Variants in ARID1B observed in about 807,000 individuals in gnomAD.
ARID1B encodes the protein AT-rich interaction domain 1B.
A neutral mutation model predicts 212.3 loss-of-function variants in ARID1B; 30 were observed. The ratio of observed to expected loss-of-function variants is 0.14; its 90% CI spans 0.11 to 0.19. The LOEUF (loss-of-function observed/expected upper bound fraction) is 0.19. Ranked by LOEUF, ARID1B falls within the 10% of genes least tolerant of loss-of-function variation. The pLI is 1.00. For missense variants in ARID1B, 2,891 were observed against 3,204.0 expected (o/e 0.90, Z 2.36); for synonymous variants, 1,402 against 1,301.7 (o/e 1.08, Z -1.66).
At chr6:157,129,787 A>C (rs1788409445) in intron 6 of ARID1B, among the ~76,000 whole-genome samples, 1 of 152,242 alleles carries the variant, frequency 6.6e-6, no homozygotes, top group South Asian at 2.1e-4. Context: ...TAGAAAAAGA[A>C]ATACCTTGCC....
In ARID1B at chr6:157,207,144, G is replaced by A. The variant is rs755185300; in HGVS notation, c.6372G>A (p.Glu2124=). The A allele has an allele frequency of 2.0e-5, 33 of 1,614,108 alleles. No individual in the cohort carries two copies. In the East Asian group the frequency reaches 5.1e-4, roughly 25 times the overall value. The part of the protein sequence containing the change: ...APQTYEKEED[E]DKGVACSKDE... The stretch of plus-strand genomic sequence containing the variant: ...AGACCTATGAGAAAGAGGAGGATGA[G>A]GACAAGGGGGTGGCCTGCAGCAAAG... The change falls in exon 20 of 20, where the codon GAG becomes GAA. Residue 2124 remains glutamate (E), a synonymous_variant. Coordinates refer to ENST00000636930, the MANE Select transcript of ARID1B (RefSeq NM_001374828.1). The surrounding 1 kb of genome is among the most constrained non-coding windows in gnomAD (Gnocchi z 8.5).
chr6:157,151,154 C>T (rs1790170519), intron 8 of ARID1B: 1 of 152,414 alleles, frequency 6.6e-6, no homozygotes, highest in Non-Finnish European at 1.5e-5. Context: ...GAAATAGAAA[C>T]TTTGATCTGT....
intron 4 of ARID1B, among the ~76,000 whole-genome samples, chr6:156,987,918 A>G (rs1011250752): frequency 6.6e-6 from 1 of 152,232 alleles, no homozygotes; most frequent in African/African-American, 2.4e-5. Flanking sequence ...TTGAATATAC[A>G]TATGAAATAC....
At chr6:156,851,660 T>G (rs575381607) in intron 2 of ARID1B, among the ~76,000 whole-genome samples, 4 of 152,376 alleles carry the variant, frequency 2.6e-5, no homozygotes, top group African/African-American at 9.6e-5. Context: ...GTGCACAGAT[T>G]GTTAAAATTA....
chr6:157,095,707 G>GA (rs1476397869), intron 5 of ARID1B, among the ~76,000 whole-genome samples: 2 of 152,176 alleles, frequency 1.3e-5, no homozygotes, highest in Non-Finnish European at 2.9e-5. Context: ...TAATGTCACA[G>GA]AAAAAATTCT....
intron 2 of ARID1B, among the ~76,000 whole-genome samples, chr6:156,863,667 A>C (rs1785489945): frequency 6.6e-6 from 1 of 152,150 alleles, no homozygotes; most frequent in Admixed American, 6.5e-5. Flanking sequence ...GAAGAAATTA[A>C]AATGCTGACT....
intron 4 of ARID1B, among the ~76,000 whole-genome samples, chr6:157,021,123 G>A (rs928809750): frequency 1.3e-5 from 2 of 152,122 alleles, no homozygotes; most frequent in Non-Finnish European, 2.9e-5. Context: ...TGAGAGAGGG[G>A]GATTTTAGAG....
chr6:157,101,975 C>T (rs747683800), intron 5 of ARID1B, among the ~76,000 whole-genome samples: 6 of 152,114 alleles, frequency 3.9e-5, no homozygotes, highest in Non-Finnish European at 8.8e-5. Flanking sequence ...TCTATGGCCA[C>T]TACAACTTTT....
chr6:156,988,306 G>A (rs753694990), intron 4 of ARID1B, among the ~76,000 whole-genome samples: 43 of 152,176 alleles, frequency 2.8e-4, no homozygotes, highest in African/African-American at 1.0e-3. Flanking sequence ...TTTGTGTGGT[G>A]TTTCAAAGGA....
At chr6:156,923,571 G>C (rs1790973801) in intron 3 of ARID1B, among the ~76,000 whole-genome samples, 1 of 152,154 alleles carries the variant, frequency 6.6e-6, no homozygotes, top group Non-Finnish European at 1.5e-5. Context: ...GAAATCAAGA[G>C]TTTATTGTAT....
chr6:157,144,836 T>A (rs932494058), intron 7 of ARID1B, among the ~76,000 whole-genome samples: 1 of 152,238 alleles, frequency 6.6e-6, no homozygotes, highest in Non-Finnish European at 1.5e-5. Flanking sequence ...AAGAAATTTT[T>A]GTAAAGAACT....
At chr6:157,063,259 G>C (rs1193459933) in intron 4 of ARID1B, among the ~76,000 whole-genome samples, 1 of 152,056 alleles carries the variant, frequency 6.6e-6, no homozygotes, top group East Asian at 1.9e-4. Flanking sequence ...AAGGGAAGAA[G>C]GGGTGGCAGC....
intron 15 of ARID1B, chr6:157,193,613 G>A (rs1260960225): frequency 6.6e-6 from 1 of 152,184 alleles, no homozygotes; most frequent in African/African-American, 2.4e-5. Context: ...AGGCTCTACT[G>A]GGACCTCAAC....
chr6:157,023,971 A>G (rs1780488764), intron 4 of ARID1B: 2 of 152,340 alleles, frequency 1.3e-5, no homozygotes, highest in Non-Finnish European at 1.5e-5. Flanking sequence ...ACTTTCACCA[A>G]TTTACCCATT....
At chr6:157,064,313 A>G (rs755173306) in intron 4 of ARID1B, among the ~76,000 whole-genome samples, 3 of 152,206 alleles carry the variant, frequency 2.0e-5, no homozygotes, top group Non-Finnish European at 4.4e-5. Context: ...GTATCTGCTG[A>G]ACAGGAATAC....
At chr6:156,913,187 G>C (rs1269118014) in intron 3 of ARID1B, among the ~76,000 whole-genome samples, 1 of 148,762 alleles carries the variant, frequency 6.7e-6, no homozygotes, top group African/African-American at 2.5e-5. Context: ...TGGTAGGAAC[G>C]CTTTACATCC....
chr6:157,206,125 T>G lies in ARID1B; in HGVS notation c.5395-42T>G. On this transcript the variant is annotated intron_variant, in intron 19 of 19. Coordinates refer to ENST00000636930, the MANE Select transcript of ARID1B (RefSeq NM_001374828.1). The surrounding 1 kb of genome is among the most constrained non-coding windows in gnomAD (Gnocchi z 6.8). ...CTCGGTCATATCTGATGTCATGACA[T>G]TGTACCTGTTCTTTCTTTCTTCTCC... 1 of 1,594,620 alleles carries G rather than the reference T, an allele frequency of 6.3e-7. No individual in the cohort carries two copies. Among genetic ancestry groups the G allele is most frequent in the Non-Finnish European group, 8.6e-7 (1 of 1,166,580 alleles).
intron 4 of ARID1B, among the ~76,000 whole-genome samples, chr6:157,043,652 G>A (rs1160206155): frequency 3.3e-5 from 5 of 151,542 alleles, no homozygotes; most frequent in African/African-American, 1.2e-4. Context: ...AGCATAAAAT[G>A]TGTGATATTA....
rs549213501 is a variant in ARID1B, at chr6:156,911,979, T to A, written c.2136+10454T>A. ...CCCAAAGTCTGGAAATGTTATAAAT[T>A]TGTAAATAAAATACAAATACATAGT... On this transcript the variant is annotated intron_variant, in intron 3 of 19. Transcript: ENST00000636930. 8.5e-4 allele frequency among the ~76,000 whole-genome samples: 130 copies of A among 152,328 alleles called. 1 individual carries two copies. The highest frequency in any genetic ancestry group is 3.1e-3 in the African/African-American group (129 of 41,568).
Sources: gnomAD v4.1 joint callset for allele counts (sites outside exome capture counted in the v4.1 genomes callset) on GRCh38, gnomAD v4.1.1 for gene constraint, Gnocchi (gnomAD v3.1) non-coding constraint, MANE v1.5 for transcripts, NCBI Gene and HGNC (gene_info 2026-07-23, HGNC 2026-07-21) for gene names.